The following SPATS2 variants were observed in gnomAD, a reference collection of about 807,000 sequenced individuals.
The protein encoded by SPATS2 is spermatogenesis-associated serine-rich protein 2.
SPATS2 carries 38 observed loss-of-function variants against 63.7 expected under a neutral mutation model. The observed-to-expected ratio is 0.60, with a 90% CI of 0.46 to 0.78. SPATS2 has a LOEUF of 0.78. Ranked by LOEUF, SPATS2 falls within the 30% of genes least tolerant of loss-of-function variation. SPATS2 has a pLI of 0.00. For synonymous variants in SPATS2, 207 were observed against 232.9 expected (o/e 0.89, Z 1.01); for missense variants, 588 against 666.2 (o/e 0.88, Z 1.29).
chr12:49,482,658 T>A (rs990984598), intron 3 of SPATS2, among the ~76,000 whole-genome samples: 2 of 152,240 alleles, frequency 1.3e-5, no homozygotes, highest in African/African-American at 4.8e-5. Context: ...TGCCATTCGC[T>A]TCCTCTTTGG....
chr12:49,485,898 T>G (rs1430994811), intron 4 of SPATS2, among the ~76,000 whole-genome samples: 2 of 151,780 alleles, frequency 1.3e-5, no homozygotes, highest in Admixed American at 6.6e-5. Flanking sequence ...TAGCTGGAAT[T>G]ACAGGCATCT....
rs750603483 is a variant in SPATS2 at position 49,466,011 on chromosome 12, CT to C, written c.25+4989del. On this transcript the variant is annotated intron_variant, in intron 3 of 13. Coordinates refer to ENST00000552918, the MANE Select transcript of SPATS2 (RefSeq NM_023071.4). ...TAAATTTTGATGAAGCCCAATTTAT[CT>C]TTTTTTTTTTTTTTCTATCACGGAT... 7.9e-3 allele frequency among the ~76,000 whole-genome samples: 1,097 copies of C among 139,518 alleles called. 3 individuals are homozygous for C. The highest frequency in any genetic ancestry group is 0.014 in the African/African-American group (554 of 38,320). The allele number at this position is 139,518 out of a possible 152,430, so 91.5% of individuals were successfully genotyped here.
chr12:49,439,192 A>G (rs1320301701), intron 2 of SPATS2, among the ~76,000 whole-genome samples: 1 of 152,126 alleles, frequency 6.6e-6, no homozygotes, highest in East Asian at 1.9e-4. Context: ...TTGAAGTGGT[A>G]GGTGCTTGGC....
chr12:49,484,581 T>A lies in SPATS2; in HGVS notation c.26-9T>A. Reference sequence around the variant, plus strand: ...TCATGTTGAATATATTTTTCCCTTATTCTTTCAGATTCATCAGGATTCATT... The same window carrying A: ...TCATGTTGAATATATTTTTCCCTTAATCTTTCAGATTCATCAGGATTCATT... On this transcript the variant is annotated splice_polypyrimidine_tract_variant and intron_variant, in intron 3 of 13. Coordinates refer to ENST00000552918, the MANE Select transcript of SPATS2 (RefSeq NM_023071.4). The A allele has an allele frequency of 6.2e-7, 1 of 1,613,384 alleles. No individual in the cohort carries two copies. The highest frequency in any genetic ancestry group is 8.5e-7 in the Non-Finnish European group (1 of 1,179,476).
intron 2 of SPATS2, among the ~76,000 whole-genome samples, chr12:49,438,161 T>C (rs1862727205): frequency 6.6e-6 from 1 of 152,172 alleles, no homozygotes; most frequent in African/African-American, 2.4e-5. Context: ...CTTCTATCAC[T>C]GATATTATTT....
chr12:49,457,580 T>G (rs1836621980), intron 2 of SPATS2, among the ~76,000 whole-genome samples: 1 of 152,108 alleles, frequency 6.6e-6, no homozygotes, highest in African/African-American at 2.4e-5. Context: ...ATTACAGGCA[T>G]GCACCACCAT....
chr12:49,524,825 A>C lies in SPATS2; in HGVS notation c.1255A>C (p.Asn419His), dbSNP rs1489974254. 3.7e-6 allele frequency: 6 copies of C among 1,614,046 alleles called. 1 individual carries two copies. The South Asian group carries it at 6.6e-5, about 18-fold the overall frequency. ...CAGCCTTACAAGTGCTAACAAGAAA[A>C]ACTTTGCACCGGGAGAGACTCCTGC... ...PPSLTSANKK[N>H]FAPGETPAAI... The change falls in exon 13 of 14, where the codon AAC (asparagine) becomes CAC (histidine). Residue 419 changes from asparagine (N) to histidine (H), a missense_variant. Physicochemically the swap from Asn to His is moderately conservative, Grantham distance 68. Transcript: ENST00000552918.
intron 6 of SPATS2, among the ~76,000 whole-genome samples, chr12:49,493,306 T>C (rs1946414404): frequency 6.6e-6 from 1 of 152,168 alleles, no homozygotes; most frequent in African/African-American, 2.4e-5. Flanking sequence ...TAAAGGACTT[T>C]TGTTTGTTTA....
chr12:49,500,223 T>C lies in SPATS2; in HGVS notation c.839+18T>C. On this transcript the variant is annotated intron_variant, in intron 9 of 13. Coordinates refer to ENST00000552918, the MANE Select transcript of SPATS2 (RefSeq NM_023071.4). The stretch of plus-strand genomic sequence containing the variant: ...GAGAGCTGGTAATTTAAGCTGCATT[T>C]GATATCAGTAGCATAAAAATGATCA... The C allele has an allele frequency of 2.5e-6, 4 of 1,585,296 alleles. No individual in the cohort carries two copies. In the South Asian group the frequency reaches 4.7e-5, roughly 18 times the overall value.
intron 2 of SPATS2, among the ~76,000 whole-genome samples, chr12:49,452,428 C>T (rs377098587): frequency 4.6e-5 from 7 of 152,176 alleles, no homozygotes; most frequent in Admixed American, 2.0e-4. Flanking sequence ...TACAGGCATG[C>T]GCCACCACAC....
At chr12:49,524,954 T>G in intron 13 of SPATS2, 58 bp downstream of exon 13, 1 of 1,516,476 alleles carries the variant, frequency 6.6e-7, no homozygotes, top group Non-Finnish European at 9.1e-7. Context: ...TTGTCAAAGC[T>G]TAAATGCTGT....
intron 2 of SPATS2, among the ~76,000 whole-genome samples, chr12:49,398,734 T>C (rs1944556264): frequency 6.6e-6 from 1 of 152,176 alleles, no homozygotes; most frequent in African/African-American, 2.4e-5. Flanking sequence ...CACTTAATCC[T>C]TTATATGTAA....
intron 2 of SPATS2, among the ~76,000 whole-genome samples, chr12:49,384,445 C>G (rs1010826551): frequency 3.9e-5 from 6 of 152,200 alleles, no homozygotes; most frequent in Admixed American, 3.9e-4. Context: ...TGGTACTGTT[C>G]TTACCCCACA....
intron 2 of SPATS2, among the ~76,000 whole-genome samples, chr12:49,410,100 G>A (rs1944770898): frequency 6.6e-6 from 1 of 151,590 alleles, no homozygotes. Flanking sequence ...TTTTGAGATG[G>A]AGTCTCGCTC....
intron 3 of SPATS2, among the ~76,000 whole-genome samples, chr12:49,481,917 T>A (rs945776417): frequency 6.6e-6 from 1 of 152,198 alleles, no homozygotes; most frequent in Admixed American, 6.5e-5. Context: ...AATAAAAAGA[T>A]GAAATCCTGC....
At chr12:49,487,136 A>G (rs1228404395) in intron 4 of SPATS2, among the ~76,000 whole-genome samples, 1 of 152,112 alleles carries the variant, frequency 6.6e-6, no homozygotes, top group Non-Finnish European at 1.5e-5. Flanking sequence ...AAGATTTGCA[A>G]TTCTTTTACC....
chr12:49,461,750 T>C (rs1267875032), intron 3 of SPATS2, among the ~76,000 whole-genome samples: 1 of 152,212 alleles, frequency 6.6e-6, no homozygotes, highest in Non-Finnish European at 1.5e-5. Flanking sequence ...ATGTTAAATA[T>C]GAAGAAAATT....
At chr12:49,494,372 A>G (rs1946431330) in intron 6 of SPATS2, among the ~76,000 whole-genome samples, 1 of 152,186 alleles carries the variant, frequency 6.6e-6, no homozygotes. Context: ...CTTATAGCTT[A>G]TACTATTTTT....
At chr12:49,406,970 T>G (rs949954916) in intron 2 of SPATS2, among the ~76,000 whole-genome samples, 8 of 152,222 alleles carry the variant, frequency 5.3e-5, no homozygotes, top group Non-Finnish European at 1.2e-4. Flanking sequence ...GCATGTGTAA[T>G]AGTGGATATA....
Sources: gnomAD v4.1 joint callset for allele counts (sites outside exome capture counted in the v4.1 genomes callset) on GRCh38, gnomAD v4.1.1 for gene constraint, MANE v1.5 for transcripts, NCBI Gene and HGNC (gene_info 2026-07-23, HGNC 2026-07-21) for gene names.